The following NUDCD3 variants were observed in gnomAD, a reference collection of about 807,000 sequenced individuals.
The protein encoded by NUDCD3 is NudC domain containing 3.
A neutral mutation model predicts 39.7 loss-of-function variants in NUDCD3; 13 were observed. That is an observed-to-expected ratio of 0.33 (90% CI 0.21 to 0.52). The LOEUF is 0.52. Among genes scored for constraint, NUDCD3 ranks in the 20% least tolerant of loss-of-function variants. The pLI, the probability that NUDCD3 is intolerant of heterozygous loss-of-function variation, is 0.96. For synonymous variants in NUDCD3, 175 were observed against 172.4 expected, an observed-to-expected ratio of 1.02 and a Z score of -0.12; for missense variants, 453 against 458.1, an observed-to-expected ratio of 0.99 and a Z score of 0.10.
intron 2 of NUDCD3, among the ~76,000 whole-genome samples, chr7:44,455,386 G>C (rs1799872096): frequency 6.6e-6 from 1 of 152,020 alleles, no homozygotes; most frequent in African/African-American, 2.4e-5. Context: ...TTGTTTTCCT[G>C]CAAGGCCTGT....
chr7:44,411,009 T>G (rs1798913089), intron 3 of NUDCD3, among the ~76,000 whole-genome samples: 1 of 152,164 alleles, frequency 6.6e-6, no homozygotes, highest in South Asian at 2.1e-4. Context: ...GATCAATTGA[T>G]TTTAGACAAG....
chr7:44,382,111 C>T lies in NUDCD3; in HGVS notation c.*3900G>A, dbSNP rs1585043681. The T allele has an allele frequency of 6.6e-6, 1 of 152,150 alleles. No individual in the cohort carries two copies. The highest frequency in any genetic ancestry group is 1.5e-5 in the Non-Finnish European group (1 of 68,034). The allele number at this position is 152,150 out of a possible 1,614,324, so 9.4% of individuals were successfully genotyped here. ...GAAAACCCCTACCAGACCCCTGTCACACCAAGGAGCCCAGCGATGGGGGGG... is the reference window on the plus strand; with the variant it reads ...GAAAACCCCTACCAGACCCCTGTCATACCAAGGAGCCCAGCGATGGGGGGG... On this transcript the variant is annotated 3_prime_UTR_variant, in exon 6 of 6. Transcript: ENST00000355451.
intron 3 of NUDCD3, among the ~76,000 whole-genome samples, chr7:44,415,248 A>G (rs1798998014): frequency 6.6e-6 from 1 of 152,230 alleles, no homozygotes; most frequent in South Asian, 2.1e-4. Flanking sequence ...TGCCAGGTTT[A>G]TAATCACCCA....
intron 3 of NUDCD3, among the ~76,000 whole-genome samples, chr7:44,414,738 T>C (rs775997979): frequency 6.6e-6 from 1 of 152,272 alleles, no homozygotes; most frequent in African/African-American, 2.4e-5. Context: ...TTTTCTGTTA[T>C]GGAAGTTTCC....
chr7:44,475,451 T>C (rs1342740084), intron 2 of NUDCD3, among the ~76,000 whole-genome samples: 2 of 152,176 alleles, frequency 1.3e-5, no homozygotes, highest in East Asian at 3.8e-4. Flanking sequence ...TTTATGTATA[T>C]GTTTACATGC....
intron 2 of NUDCD3, among the ~76,000 whole-genome samples, chr7:44,451,751 T>C (rs1799797476): frequency 6.6e-6 from 1 of 152,126 alleles, no homozygotes; most frequent in Non-Finnish European, 1.5e-5. Flanking sequence ...TTAAACTGTG[T>C]ACTTTAAATA....
intron 1 of NUDCD3, among the ~76,000 whole-genome samples, chr7:44,486,998 C>T (rs1800624809): frequency 6.6e-6 from 1 of 152,178 alleles, no homozygotes; most frequent in Admixed American, 6.5e-5. Context: ...CCCAAGATTT[C>T]TCAACAATTT....
intron 3 of NUDCD3, among the ~76,000 whole-genome samples, chr7:44,412,505 C>G (rs1000613212): frequency 3.3e-5 from 5 of 152,180 alleles, no homozygotes; most frequent in African/African-American, 1.2e-4. Context: ...GGAAGATCAA[C>G]TGTAAGTGAT....
intron 2 of NUDCD3, among the ~76,000 whole-genome samples, chr7:44,482,086 T>C (rs1800503516): frequency 6.6e-6 from 1 of 152,230 alleles, no homozygotes; most frequent in Admixed American, 6.5e-5. Flanking sequence ...CAAACAACTT[T>C]GTATATTAAA....
chr7:44,475,075 T>C (rs1049783279), intron 2 of NUDCD3, among the ~76,000 whole-genome samples: 1 of 152,090 alleles, frequency 6.6e-6, no homozygotes, highest in African/African-American at 2.4e-5. Context: ...CCACTTCAGG[T>C]AGACAACACT....
intron 2 of NUDCD3, among the ~76,000 whole-genome samples, chr7:44,479,064 G>A (rs367719107): frequency 6.6e-6 from 1 of 152,126 alleles, no homozygotes; most frequent in Non-Finnish European, 1.5e-5. Flanking sequence ...CAAGCAAAGC[G>A]GGAAAAGTCC....
At chr7:44,421,172 A>G (rs1438450149) in intron 3 of NUDCD3, among the ~76,000 whole-genome samples, 1 of 152,012 alleles carries the variant, frequency 6.6e-6, no homozygotes, top group East Asian at 1.9e-4. Context: ...GGTCTCTACT[A>G]AAAATACAAA....
chr7:44,409,387 A>G (rs1244710138), intron 3 of NUDCD3, among the ~76,000 whole-genome samples: 2 of 152,192 alleles, frequency 1.3e-5, no homozygotes, highest in African/African-American at 4.8e-5. Context: ...AAGTTCACCA[A>G]GTACAGATTT....
chr7:44,457,085 C>T (rs984786157), intron 2 of NUDCD3, among the ~76,000 whole-genome samples: 8 of 151,890 alleles, frequency 5.3e-5, no homozygotes, highest in African/African-American at 1.9e-4. Context: ...CCAGGCAAAT[C>T]AAGGAAGTTG....
intron 2 of NUDCD3, among the ~76,000 whole-genome samples, chr7:44,482,071 T>G (rs1225661966): frequency 1.3e-5 from 2 of 152,368 alleles, no homozygotes; most frequent in African/African-American, 4.8e-5. Flanking sequence ...CTAAGTGGAC[T>G]ATGACAAACA....
At position 44,382,914 on chromosome 7, in the gene NUDCD3, TC is replaced by T. The variant is rs1417083470; in HGVS notation, c.*3096del. The T allele has an allele frequency of 6.6e-6, 1 of 152,260 alleles. No homozygotes were observed. Among genetic ancestry groups the T allele is most frequent in the Admixed American group, 6.5e-5 (1 of 15,284 alleles). The allele number at this position is 152,260 out of a possible 1,614,324, so 9.4% of individuals were successfully genotyped here. A position where few individuals can be genotyped will look rare whatever the true frequency, so the allele number is the denominator to read the frequency against. On this transcript the variant is annotated 3_prime_UTR_variant, in exon 6 of 6. Transcript: ENST00000355451. The stretch of plus-strand genomic sequence containing the variant: ...TCAACTGTTCTCCCTCCTGCACTCT[TC>T]AGGGGCAAATACGCCTCTCCTTTCT...
intron 2 of NUDCD3, among the ~76,000 whole-genome samples, chr7:44,455,846 G>GA (rs1417189408): frequency 6.6e-6 from 1 of 151,376 alleles, no homozygotes; most frequent in Non-Finnish European, 1.5e-5. Flanking sequence ...CTAAAACGGT[G>GA]AAACCCCGTC....
Position 44,449,918 on chromosome 7 carries a change from G to A in NUDCD3, c.510-22215C>T, listed in dbSNP as rs1585086924. 5.3e-5 allele frequency among the ~76,000 whole-genome samples: 8 copies of A among 149,642 alleles called. No individual in the cohort carries two copies. The South Asian group carries it at 1.5e-3, about 28-fold the overall frequency. ...ATAAAGAACTTCTGCTACTCAAAAT[G>A]CAATGTGAAGAAAATGAAGACAATC... On this transcript the variant is annotated intron_variant, in intron 2 of 5. Transcript: ENST00000355451.
chr7:44,423,499 T>G (rs1236790733), intron 3 of NUDCD3, among the ~76,000 whole-genome samples: 1 of 151,948 alleles, frequency 6.6e-6, no homozygotes, highest in Non-Finnish European at 1.5e-5. Context: ...ATACCAATAA[T>G]AGACAAGCAG....
Sources: gnomAD v4.1 joint callset for allele counts (sites outside exome capture counted in the v4.1 genomes callset) on GRCh38, gnomAD v4.1.1 for gene constraint, MANE v1.5 for transcripts, NCBI Gene and HGNC (gene_info 2026-07-23, HGNC 2026-07-21) for gene names.